PPP3CB: variants seen among roughly 807,000 people sequenced by gnomAD.
PPP3CB encodes the protein protein phosphatase 3 catalytic subunit beta.
In PPP3CB, 8 loss-of-function variants were observed where a neutral mutation model predicts 66.4. That is an observed-to-expected ratio of 0.12 (90% CI 0.07 to 0.22). The LOEUF is 0.22. Ranked by LOEUF, PPP3CB falls within the 10% of genes least tolerant of loss-of-function variation. PPP3CB has a pLI of 1.00. For synonymous variants in PPP3CB, 208 were observed against 221.2 expected (o/e 0.94, Z 0.53); for missense variants, 319 against 642.5 (o/e 0.50, Z 5.44).
At chr10:73,446,445 T>C in intron 11 of PPP3CB, 47 bp downstream of exon 11, 1 of 1,553,424 alleles carries the variant, frequency 6.4e-7, no homozygotes, top group Middle Eastern at 1.7e-4. Flanking sequence ...CAAGGTACAA[T>C]AAACGTAATT....
At position 73,452,434 on chromosome 10, in the gene PPP3CB, G is replaced by A. The variant is rs140678349; in HGVS notation, c.1186+1978C>T. ...TCAATGGCTGGGCATGGTGGCTCAC[G>A]CCTGTAATCCTAACACTTTGGGAGG... On this transcript the variant is annotated intron_variant, in intron 10 of 13. Transcript: ENST00000360663. Among the ~76,000 whole-genome samples the A allele has an allele frequency of 1.0e-3, 156 of 152,210 alleles. 2 individuals carry two copies. Among genetic ancestry groups the A allele is most frequent in the East Asian group, 5.6e-3 (29 of 5,172 alleles).
intron 9 of PPP3CB, among the ~76,000 whole-genome samples, chr10:73,455,715 C>G (rs1209683125): frequency 6.6e-6 from 1 of 152,162 alleles, no homozygotes; most frequent in African/African-American, 2.4e-5. Context: ...ACTACAGGTG[C>G]CCGCCACCTC....
intron 10 of PPP3CB, among the ~76,000 whole-genome samples, chr10:73,446,997 A>G (rs2056267582): frequency 6.6e-6 from 1 of 152,222 alleles, no homozygotes; most frequent in Non-Finnish European, 1.5e-5. Flanking sequence ...ACAGTCCTGT[A>G]GTCTTATTTA....
intron 1 of PPP3CB, among the ~76,000 whole-genome samples, chr10:73,491,939 T>C (rs1185645222): frequency 6.6e-6 from 1 of 151,876 alleles, no homozygotes; most frequent in African/African-American, 2.4e-5. Flanking sequence ...TGCACTCCAG[T>C]CTAGGCAAGA....
chr10:73,456,646 A>C (rs557796410), intron 9 of PPP3CB, among the ~76,000 whole-genome samples: 6 of 152,350 alleles, frequency 3.9e-5, no homozygotes, highest in Non-Finnish European at 7.3e-5. Context: ...CACATGCGAA[A>C]GAATAAACTG....
At chr10:73,472,456 T>C (rs571183390) in intron 4 of PPP3CB, among the ~76,000 whole-genome samples, 54 of 151,138 alleles carry the variant, frequency 3.6e-4, no homozygotes, top group African/African-American at 1.2e-3. Context: ...ATCGTGCCAC[T>C]TGCACTCCAG....
chr10:73,467,777 G>T (rs2056641771), intron 8 of PPP3CB, 99 bp from the exon 9 acceptor site: 1 of 1,187,954 alleles, frequency 8.4e-7, no homozygotes, highest in Non-Finnish European at 1.2e-6. Context: ...AATATTAAGA[G>T]GAAGGGAGAT....
At chr10:73,455,318 T>C (rs757626362) in intron 9 of PPP3CB, among the ~76,000 whole-genome samples, 25 of 152,214 alleles carry the variant, frequency 1.6e-4, no homozygotes, top group Non-Finnish European at 2.8e-4. Flanking sequence ...TTTTTTTCCT[T>C]CTCTTTTCCC....
chr10:73,471,055 G>A lies in PPP3CB; in HGVS notation c.809+15C>T. On this transcript the variant is annotated intron_variant, in intron 6 of 13. Coordinates refer to ENST00000360663, the MANE Select transcript of PPP3CB (RefSeq NM_021132.4). ...AACAACTAAAATGTGATTAATCTTGGATATTTTTCCTTACTTATAAAAATA... is the reference window on the plus strand; with the variant it reads ...AACAACTAAAATGTGATTAATCTTGAATATTTTTCCTTACTTATAAAAATA... 2 of 1,599,028 alleles carry A rather than the reference G, an allele frequency of 1.3e-6. No homozygotes were observed. The highest frequency in any genetic ancestry group is 1.7e-6 in the Non-Finnish European group (2 of 1,168,436).
At chr10:73,487,563 C>CAAAAAA (rs2057000548) in intron 1 of PPP3CB, among the ~76,000 whole-genome samples, 1 of 83,924 alleles carries the variant, frequency 1.2e-5, no homozygotes, top group African/African-American at 5.6e-5. Context: ...AAAACCAAAA[C>CAAAAAA]CAAAAAAAAA....
At chr10:73,469,620 G>A (rs1366655408) in intron 8 of PPP3CB, among the ~76,000 whole-genome samples, 1 of 152,202 alleles carries the variant, frequency 6.6e-6, no homozygotes, top group African/African-American at 2.4e-5. Context: ...TATCTATAGT[G>A]TAAGTTCTTG....
Position 73,442,932 on chromosome 10 carries a change from C to T in PPP3CB, c.1366+1793G>A, listed in dbSNP as rs186702092. Among the ~76,000 whole-genome samples, 903 of 151,692 alleles carry T rather than the reference C, an allele frequency of 6.0e-3. 13 individuals carry two copies. The highest frequency in any genetic ancestry group is 5.9e-3 in the Non-Finnish European group (401 of 67,932). On this transcript the variant is annotated intron_variant, in intron 12 of 13. Coordinates refer to ENST00000360663, the MANE Select transcript of PPP3CB (RefSeq NM_021132.4). ...CATTGGCCAGGCATAGTGGCTCATG[C>T]CTATAATCCCAGCACTTTGGGAGGC... is the stretch of plus-strand genomic sequence containing the variant.
intron 9 of PPP3CB, among the ~76,000 whole-genome samples, chr10:73,460,190 T>C (rs962222860): frequency 6.9e-6 from 1 of 144,486 alleles, no homozygotes; most frequent in African/African-American, 2.6e-5. Flanking sequence ...ATTTAACGGA[T>C]ATTAAATCGT....
At chr10:73,465,852 T>TA (rs2056610583) in intron 9 of PPP3CB, among the ~76,000 whole-genome samples, 1 of 152,234 alleles carries the variant, frequency 6.6e-6, no homozygotes, top group Non-Finnish European at 1.5e-5. Flanking sequence ...AAGATTTTCT[T>TA]ACTGTGCTCA....
intron 9 of PPP3CB, among the ~76,000 whole-genome samples, chr10:73,461,699 T>C (rs1310146689): frequency 6.6e-6 from 1 of 152,184 alleles, no homozygotes; most frequent in Non-Finnish European, 1.5e-5. Flanking sequence ...TAGAATGAGT[T>C]AAGACTTTGG....
At chr10:73,491,827 C>T (rs145304189) in intron 1 of PPP3CB, among the ~76,000 whole-genome samples, 6,604 of 151,992 alleles carry the variant, frequency 0.043, 441 homozygotes, top group African/African-American at 0.14. Context: ...ATTAGCCGGG[C>T]GTGGTGGCAC....
Position 73,439,768 on chromosome 10 carries a change from ATCTTG to A in PPP3CB, c.1396+99_1396+103del, listed in dbSNP as rs981795769. On this transcript the variant is annotated intron_variant, in intron 13 of 13. Coordinates refer to ENST00000360663, the MANE Select transcript of PPP3CB (RefSeq NM_021132.4). The stretch of plus-strand genomic sequence containing the variant: ...CTTGATGAATCAGTGAGTCTGATTC[ATCTTG>A]GGCTGTAAAAGCTAGGAGTAAAACA... 66 of 1,309,870 alleles carry A rather than the reference ATCTTG, an allele frequency of 5.0e-5. No homozygotes were observed. In the African/African-American group the frequency reaches 8.7e-4, roughly 17 times the overall value. 81.1% of individuals were successfully genotyped at this position (1,309,870 alleles called of 1,614,324 possible). A position where few individuals can be genotyped will look rare whatever the true frequency, so the allele number is the denominator to read the frequency against.
chr10:73,474,241 G>A (rs984142127), intron 4 of PPP3CB, among the ~76,000 whole-genome samples: 1 of 151,814 alleles, frequency 6.6e-6, no homozygotes, highest in Non-Finnish European at 1.5e-5. Context: ...GGGTTTTGCC[G>A]TGTTGGCCAG....
rs1272147468 is a variant in PPP3CB, at chr10:73,436,808, GAGC to G, written c.*1431_*1433del. On this transcript the variant is annotated 3_prime_UTR_variant, in exon 14 of 14. Coordinates refer to ENST00000360663, the MANE Select transcript of PPP3CB (RefSeq NM_021132.4). Reference sequence around the variant, plus strand: ...CAAATAAAACCCAACACAGAGATAGGAGCAGCGGCCCATGCATGGAATTTATTG... The same window carrying G: ...CAAATAAAACCCAACACAGAGATAGGAGCGGCCCATGCATGGAATTTATTG... 6.6e-6 allele frequency: 1 copy of G among 152,194 alleles called. No homozygotes were observed. Among genetic ancestry groups the G allele is most frequent in the African/African-American group, 2.4e-5 (1 of 41,428 alleles). The allele number at this position is 152,194 out of a possible 1,614,324, so 9.4% of individuals were successfully genotyped here. A position where few individuals can be genotyped will look rare whatever the true frequency, so the allele number is the denominator to read the frequency against.
Sources: gnomAD v4.1 joint callset for allele counts (sites outside exome capture counted in the v4.1 genomes callset) on GRCh38, gnomAD v4.1.1 for gene constraint, MANE v1.5 for transcripts, NCBI Gene and HGNC (gene_info 2026-07-23, HGNC 2026-07-21) for gene names.